UTRN: variants seen among roughly 807,000 people sequenced by gnomAD.
UTRN encodes the protein utrophin.
UTRN carries 283 observed loss-of-function variants against 463.9 expected under a neutral mutation model. The ratio of observed to expected loss-of-function variants is 0.61; its 90% CI spans 0.55 to 0.67. The LOEUF is 0.67. Ranked by LOEUF, UTRN falls within the 30% of genes least tolerant of loss-of-function variation. UTRN has a pLI of 0.00. For synonymous variants in UTRN, 1,442 were observed against 1,431.5 expected (o/e 1.01, Z -0.17); for missense variants, 3,922 against 4,084.3 (o/e 0.96, Z 1.08).
At chr6:144,452,515 A>G (rs147112713) in intron 18 of UTRN, among the ~76,000 whole-genome samples, 1,797 of 152,270 alleles carry the variant, frequency 0.012, 28 homozygotes, top group African/African-American at 0.042. Context: ...GTGTGCACAT[A>G]TAGTTGTGTT....
chr6:144,435,731 T>G (rs1018805929), intron 9 of UTRN, among the ~76,000 whole-genome samples: 20 of 152,216 alleles, frequency 1.3e-4, no homozygotes, highest in African/African-American at 4.6e-4. Context: ...CATGAGTGCA[T>G]GCTGCTTTTA....
chr6:144,850,380 G>C (rs768155770), intron 74 of UTRN, among the ~76,000 whole-genome samples: 51 of 152,248 alleles, frequency 3.3e-4, no homozygotes, highest in Non-Finnish European at 2.9e-5. Flanking sequence ...CAGTTTGGAT[G>C]ATTTCATTTT....
intron 2 of UTRN, among the ~76,000 whole-genome samples, chr6:144,344,698 C>T (rs139892639): frequency 2.0e-5 from 3 of 152,240 alleles, no homozygotes; most frequent in Non-Finnish European, 4.4e-5. Flanking sequence ...AGACCTCATC[C>T]CATATTGTAT....
intron 2 of UTRN, among the ~76,000 whole-genome samples, chr6:144,295,726 TGAC>T (rs1270305694): frequency 4.6e-5 from 7 of 152,364 alleles, no homozygotes; most frequent in African/African-American, 1.7e-4. Context: ...CTGCTGATGA[TGAC>T]GATTCTAGCA....
intron 2 of UTRN, among the ~76,000 whole-genome samples, chr6:144,366,096 T>G (rs1407643870): frequency 1.3e-5 from 2 of 152,220 alleles, no homozygotes; most frequent in African/African-American, 4.8e-5. Flanking sequence ...TGTATGTGCA[T>G]CGCATTCTAT....
chr6:144,840,572 G>A (rs1781481361), intron 72 of UTRN, among the ~76,000 whole-genome samples, 168 bp from the exon 73 acceptor site: 1 of 152,106 alleles, frequency 6.6e-6, no homozygotes, highest in Admixed American at 6.5e-5. Flanking sequence ...CAACACTCAA[G>A]CAAAAATGTT....
chr6:144,619,785 T>C (rs1027881846), intron 51 of UTRN, among the ~76,000 whole-genome samples: 1 of 150,918 alleles, frequency 6.6e-6, no homozygotes, highest in African/African-American at 2.4e-5. Context: ...GACTTAAAAA[T>C]GATGCCTTAA....
intron 50 of UTRN, among the ~76,000 whole-genome samples, chr6:144,559,692 C>T (rs1318953112): frequency 6.6e-6 from 1 of 152,004 alleles, no homozygotes; most frequent in Non-Finnish European, 1.5e-5. Context: ...CCCTAAGGAG[C>T]CTGTGTAGAC....
intron 40 of UTRN, 142 bp from the exon 41 acceptor site, chr6:144,522,874 G>A: frequency 4.3e-6 from 3 of 700,128 alleles, no homozygotes; most frequent in Non-Finnish European, 6.6e-6. Context: ...AAAAAAAAAA[G>A]TTTTCAGTTT....
chr6:144,605,312 T>C (rs1355721001), intron 51 of UTRN, among the ~76,000 whole-genome samples: 1 of 152,142 alleles, frequency 6.6e-6, no homozygotes, highest in Non-Finnish European at 1.5e-5. Flanking sequence ...AAAGGTTTGC[T>C]ATACACAGAA....
intron 49 of UTRN, among the ~76,000 whole-genome samples, chr6:144,555,588 G>C (rs1260344312): frequency 2.0e-5 from 3 of 152,108 alleles, no homozygotes; most frequent in Non-Finnish European, 4.4e-5. Context: ...GCACCACCAT[G>C]CCCAGCTAAT....
chr6:144,790,473 G>T (rs919530917), intron 62 of UTRN, among the ~76,000 whole-genome samples: 2 of 152,166 alleles, frequency 1.3e-5, no homozygotes, highest in African/African-American at 2.4e-5. Flanking sequence ...TGAATTTCAG[G>T]TCTAGACCAT....
chr6:144,610,289 A>G (rs997257447), intron 51 of UTRN, among the ~76,000 whole-genome samples: 1 of 152,102 alleles, frequency 6.6e-6, no homozygotes, highest in Admixed American at 6.5e-5. Flanking sequence ...TAAGAACTGA[A>G]CAATTATACA....
At chr6:144,800,869 A>C (rs932344911) in intron 64 of UTRN, among the ~76,000 whole-genome samples, 1 of 152,150 alleles carries the variant, frequency 6.6e-6, no homozygotes, top group South Asian at 2.1e-4. Context: ...AGAGAGGTAT[A>C]ATAAGGGACA....
At chr6:144,780,203 T>C (rs1360149532) in intron 60 of UTRN, among the ~76,000 whole-genome samples, 1 of 152,166 alleles carries the variant, frequency 6.6e-6, no homozygotes, top group African/African-American at 2.4e-5. Context: ...TCATATTTTT[T>C]GAGAGAACAG....
chr6:144,500,384 C>T (rs1198679638), intron 34 of UTRN, among the ~76,000 whole-genome samples: 3 of 152,040 alleles, frequency 2.0e-5, no homozygotes, highest in African/African-American at 4.8e-5. Flanking sequence ...AGCATTTTTT[C>T]GTGTGTTGTT....
chr6:144,623,320 T>C (rs1775618271), intron 51 of UTRN, among the ~76,000 whole-genome samples: 1 of 152,240 alleles, frequency 6.6e-6, no homozygotes. Flanking sequence ...TTTCAATCAT[T>C]TAAGGAACTT....
Position 144,516,826 on chromosome 6 carries a change from G to T in UTRN, c.5419G>T (p.Ala1807Ser). The T allele has an allele frequency of 6.7e-7, 1 of 1,489,076 alleles. No homozygotes were observed. 92.2% of individuals were successfully genotyped at this position (1,489,076 alleles called of 1,614,324 possible). A position where few individuals can be genotyped will look rare whatever the true frequency, so the allele number is the denominator to read the frequency against. ...AAAAATTTAGATGGATGAGGAGAGT[G>T]CCCAGATTGAGGAAGTTCTACAAAG... ...DEDEKMDEES[A>S]QIEEVLQRGE... is the part of the protein sequence containing the mutation. The change falls in exon 39 of 75, where the codon GCC becomes TCC. Residue 1807 changes from alanine to serine, a missense_variant. By Grantham distance (99) the Ala-to-Ser change is moderately conservative. Transcript: ENST00000367545.
chr6:144,622,171 A>ATTT (rs758978823), intron 51 of UTRN, among the ~76,000 whole-genome samples: 9 of 90,644 alleles, frequency 9.9e-5, no homozygotes, highest in African/African-American at 2.1e-4. Flanking sequence ...GATGGTATCC[A>ATTT]TTTTTTTTTG....
Sources: gnomAD v4.1 joint callset for allele counts (sites outside exome capture counted in the v4.1 genomes callset) on GRCh38, gnomAD v4.1.1 for gene constraint, MANE v1.5 for transcripts, NCBI Gene and HGNC (gene_info 2026-07-23, HGNC 2026-07-21) for gene names.